The following IL1RAPL1 variants were observed in gnomAD, a reference collection of about 807,000 sequenced individuals.
The protein encoded by IL1RAPL1 is interleukin 1 receptor accessory protein like 1.
Under a neutral mutation model 48.4 loss-of-function variants are expected in IL1RAPL1, and 3 were observed. That is an observed-to-expected ratio of 0.06 (90% CI 0.03 to 0.16). IL1RAPL1 has a LOEUF of 0.16. Ranked by LOEUF, IL1RAPL1 falls within the 10% of genes least tolerant of loss-of-function variation. The pLI, the probability that IL1RAPL1 is intolerant of heterozygous loss-of-function variation, is 1.00. For synonymous variants in IL1RAPL1, 185 were observed against 187.7 expected (o/e 0.99, Z 0.12); for missense variants, 349 against 530.6 (o/e 0.66, Z 3.36).
At chrX:28,859,685 T>G (rs927767219) in intron 2 of IL1RAPL1, among the ~76,000 whole-genome samples, 8 of 109,473 alleles carry the variant, frequency 7.3e-5, no homozygotes, top group Non-Finnish European at 1.1e-4. Context: ...AATCATTTAA[T>G]TTTTCCATTG....
intron 2 of IL1RAPL1, among the ~76,000 whole-genome samples, chrX:29,069,390 AAAGT>A (rs1479405440): frequency 9.0e-6 from 1 of 111,705 alleles, no homozygotes; most frequent in African/African-American, 3.3e-5. Flanking sequence ...AGGTTGTCAT[AAAGT>A]GAGTTATTTT....
chrX:29,099,891 ATTATAT>A (rs1310090168), intron 2 of IL1RAPL1, among the ~76,000 whole-genome samples: 1 of 111,370 alleles, frequency 9.0e-6, no homozygotes, highest in East Asian at 2.8e-4. Flanking sequence ...TAACTTTGTA[ATTATAT>A]TTATATGAGT....
intron 6 of IL1RAPL1, among the ~76,000 whole-genome samples, chrX:29,676,835 A>G (rs1926301652): frequency 8.9e-6 from 1 of 111,971 alleles, no homozygotes; most frequent in Non-Finnish European, 1.9e-5. Context: ...ATACAAAAAA[A>G]TGCTGCTTTT....
chrX:29,705,621 G>A (rs1002575904), intron 6 of IL1RAPL1, among the ~76,000 whole-genome samples: 2 of 112,109 alleles, frequency 1.8e-5, no homozygotes, highest in Non-Finnish European at 3.8e-5. Context: ...CAGTCATTAC[G>A]ATACTTTCCC....
At chrX:29,468,360 T>A (rs112705528) in intron 5 of IL1RAPL1, among the ~76,000 whole-genome samples, 3 of 112,404 alleles carry the variant, frequency 2.7e-5, no homozygotes, top group African/African-American at 6.5e-5. Flanking sequence ...TGTGCAAACA[T>A]GTAAGTGAAG....
At chrX:29,133,935 T>C (rs1929074324) in intron 2 of IL1RAPL1, among the ~76,000 whole-genome samples, 1 of 111,939 alleles carries the variant, frequency 8.9e-6, no homozygotes, top group South Asian at 3.7e-4. Flanking sequence ...GTTAGAATCA[T>C]AAAGTATGTA....
rs1932082246 is a variant in IL1RAPL1, at chrX:29,274,024, A to G, written c.83-8914A>G. Among the ~76,000 whole-genome samples the G allele has an allele frequency of 2.7e-5, 3 of 112,124 alleles. No individual in the cohort carries two copies. The South Asian group carries it at 1.1e-3, about 42-fold the overall frequency. On this transcript the variant is annotated intron_variant, in intron 2 of 10. Transcript: ENST00000378993. ...CTGGAAAAAAAACACATGCAAAGTT[A>G]CATAAATATCCCCATGATTTTTTCC...
At chrX:28,904,466 C>T (rs555323341) in intron 2 of IL1RAPL1, among the ~76,000 whole-genome samples, 3 of 111,866 alleles carry the variant, frequency 2.7e-5, no homozygotes, top group Non-Finnish European at 5.6e-5. Flanking sequence ...TCTGACAGGC[C>T]GTAGCTTAAC....
chrX:29,801,058 A>C (rs1929883589), intron 6 of IL1RAPL1, among the ~76,000 whole-genome samples: 1 of 85,449 alleles, frequency 1.2e-5, no homozygotes, highest in Non-Finnish European at 2.3e-5. Flanking sequence ...AAAAAAAAAA[A>C]AAAAAAAAAA....
intron 5 of IL1RAPL1, among the ~76,000 whole-genome samples, chrX:29,538,361 C>T (rs1397267587): frequency 8.8e-5 from 7 of 79,949 alleles, no homozygotes; most frequent in East Asian, 4.2e-4. Context: ...TTTTTGGAGA[C>T]GGAATCTCGC....
chrX:28,766,679 C>T (rs756428527), intron 1 of IL1RAPL1, among the ~76,000 whole-genome samples: 1 of 110,608 alleles, frequency 9.0e-6, no homozygotes, highest in Non-Finnish European at 1.9e-5. Context: ...CTCCTCTCCT[C>T]CCGCATCCCC....
chrX:29,290,478 A>G (rs1295296246), intron 3 of IL1RAPL1, among the ~76,000 whole-genome samples: 3 of 112,579 alleles, frequency 2.7e-5, no homozygotes, highest in Non-Finnish European at 5.6e-5. Context: ...GCCTACCTGA[A>G]CAATACATAT....
At chrX:29,415,678 C>G (rs1029936803) in intron 5 of IL1RAPL1, among the ~76,000 whole-genome samples, 1 of 112,184 alleles carries the variant, frequency 8.9e-6, no homozygotes, top group African/African-American at 3.2e-5. Flanking sequence ...TTTGGCCTCC[C>G]AAAGTGCTGG....
intron 5 of IL1RAPL1, among the ~76,000 whole-genome samples, chrX:29,431,582 A>G (rs906004405): frequency 1.8e-5 from 2 of 111,942 alleles, no homozygotes; most frequent in African/African-American, 6.5e-5. Context: ...ATTTTGGTTC[A>G]TATTATCTAA....
chrX:29,326,007 CAAA>C (rs1281209935), intron 3 of IL1RAPL1, among the ~76,000 whole-genome samples: 1 of 111,900 alleles, frequency 8.9e-6, no homozygotes, highest in Non-Finnish European at 1.9e-5. Flanking sequence ...TTCCATGACA[CAAA>C]CACCTACCAC....
At position 28,942,457 on chromosome X, in the gene IL1RAPL1, A is replaced by G. The variant is rs1055671106; in HGVS notation, c.82+153032A>G. The G allele has an allele frequency of 2.8e-5, 3 of 108,872 alleles. No homozygotes were observed. In the South Asian group the frequency reaches 1.2e-3, roughly 42 times the overall value. The allele number at this position is 108,872 out of a possible 1,213,427, so 9.0% of individuals were successfully genotyped here. ...TTTTACAGTTTTAAACCAAAAAGGT[A>G]GTGAAAATAAGCGAGCCCATATTAA... is the stretch of plus-strand genomic sequence containing the variant. On this transcript the variant is annotated intron_variant, in intron 2 of 10. Coordinates refer to ENST00000378993, the MANE Select transcript of IL1RAPL1 (RefSeq NM_014271.4).
At chrX:28,774,346 C>T in intron 1 of IL1RAPL1, among the ~76,000 whole-genome samples, 1 of 111,690 alleles carries the variant, frequency 9.0e-6, no homozygotes, top group African/African-American at 3.3e-5. Flanking sequence ...ATCATACTTT[C>T]TGTGGGTCAG....
At chrX:29,005,008 G>T (rs1382195477) in intron 2 of IL1RAPL1, among the ~76,000 whole-genome samples, 2 of 112,010 alleles carry the variant, frequency 1.8e-5, no homozygotes, top group Non-Finnish European at 3.8e-5. Context: ...TTGTTTAAGG[G>T]TATAGCAAAT....
At chrX:29,702,394 A>G (rs993272985) in intron 6 of IL1RAPL1, among the ~76,000 whole-genome samples, 2 of 111,486 alleles carry the variant, frequency 1.8e-5, no homozygotes, top group Non-Finnish European at 3.8e-5. Flanking sequence ...GGGACCAATG[A>G]CAAACCCACA....
Sources: allele counts gnomAD v4.1 joint callset (sites outside exome capture counted in the v4.1 genomes callset), GRCh38; gene constraint gnomAD v4.1.1; transcripts MANE v1.5; gene names NCBI Gene and HGNC (gene_info 2026-07-23, HGNC 2026-07-21).